GDF1: variants seen among roughly 807,000 people sequenced by gnomAD.
GDF1 encodes embryonic growth/differentiation factor 1.
Under a neutral mutation model 7.4 loss-of-function variants are expected in GDF1, and 8 were observed. That is an observed-to-expected ratio of 1.09 (90% CI 0.64 to 1.96). The LOEUF (loss-of-function observed/expected upper bound fraction) is 1.96. Among genes scored for constraint, GDF1 ranks in the 30% most tolerant of loss-of-function variants. GDF1 has a pLI of 0.00. For synonymous variants in GDF1, 311 were observed against 276.7 expected, an observed-to-expected ratio of 1.12 and a Z score of -1.23; for missense variants, 574 against 551.5, an observed-to-expected ratio of 1.04 and a Z score of -0.41.
intron 6 of GDF1, among the ~76,000 whole-genome samples, chr19:18,877,609 C>T (rs2056082162): frequency 6.6e-6 from 1 of 151,952 alleles, no homozygotes. Flanking sequence ...AAAGTTAGCA[C>T]AGCATGGTGG....
chr19:18,873,553 C>A (rs188319330), intron 6 of GDF1, among the ~76,000 whole-genome samples: 5 of 151,824 alleles, frequency 3.3e-5, no homozygotes, highest in Admixed American at 6.6e-5. Context: ...AAAAATTAGC[C>A]GGGGCCAAGC....
chr19:18,869,343 G>A lies in GDF1; in HGVS notation c.373C>T (p.Pro125Ser), dbSNP rs1279373441. Residue 125 changes from proline to serine, a missense_variant, in exon 8 of 8, where the codon CCT becomes TCT. By Grantham distance (74) the Pro-to-Ser change is moderately conservative (BLOSUM62 -1). Coordinates refer to ENST00000247005, the MANE Select transcript of GDF1 (RefSeq NM_001492.6). ...SEPASAAGHC[P>S]EWTVVFDLSA... is the part of the protein sequence containing the mutation. ...AGGTCGAAGACGACTGTCCACTCAGGGCAATGCCCCGCGGCCGAGGCAGGC... is the reference window on the plus strand; with the variant it reads ...AGGTCGAAGACGACTGTCCACTCAGAGCAATGCCCCGCGGCCGAGGCAGGC... 6.5e-7 allele frequency: 1 copy of A among 1,531,930 alleles called. No homozygotes were observed. Among genetic ancestry groups the A allele is most frequent in the South Asian group, 1.2e-5 (1 of 83,960 alleles). The allele number at this position is 1,531,930 out of a possible 1,614,324, so 94.9% of individuals were successfully genotyped here.
At chr19:18,874,950 C>T (rs970640241) in intron 6 of GDF1, among the ~76,000 whole-genome samples, 3 of 152,156 alleles carry the variant, frequency 2.0e-5, no homozygotes, top group Non-Finnish European at 2.9e-5. Context: ...ATTGAATTTT[C>T]GGAACCAGGC....
At chr19:18,892,476 T>TGGTGGCGGGCGC (rs1226938196) in intron 2 of GDF1, among the ~76,000 whole-genome samples, 3 of 151,672 alleles carry the variant, frequency 2.0e-5, no homozygotes, top group Non-Finnish European at 4.4e-5. Context: ...TAGCCGGGCG[T>TGGTGGCGGGCGC]GGTGGCGGGC....
Position 18,868,632 on chromosome 19 carries a change from C to T in GDF1, c.1084G>A (p.Glu362Lys), listed in dbSNP as rs1165681939. 3.2e-6 allele frequency: 5 copies of T among 1,573,510 alleles called. No individual in the cohort carries two copies. The highest frequency in any genetic ancestry group is 4.3e-6 in the Non-Finnish European group (5 of 1,159,794). ...CCGCACTCGTCCACCACCATGTCCT[C>T]ATACTGCCGCAGCACCACGTTGTCG... ...NSDNVVLRQYEDMVVDECGCR is the reference protein window; with the variant it reads ...NSDNVVLRQYKDMVVDECGCR Residue 362 changes from glutamate to lysine, a missense_variant, in exon 8 of 8, where the codon GAG becomes AAG. Physicochemically the swap from Glu to Lys is moderately conservative, Grantham distance 56 (BLOSUM62 1). Transcript: ENST00000247005.
In GDF1 at chr19:18,886,098, GACACCAA is replaced by G. The variant is rs1366217085; in HGVS notation, c.-913-1838_-913-1832del. Among the ~76,000 whole-genome samples, 732 of 151,520 alleles carry G rather than the reference GACACCAA, an allele frequency of 4.8e-3. 15 individuals carry two copies. Among genetic ancestry groups the G allele is most frequent in the African/African-American group, 0.017 (712 of 40,878 alleles). On this transcript the variant is annotated intron_variant, in intron 2 of 7. Transcript: ENST00000247005. The stretch of plus-strand genomic sequence containing the variant: ...TCAGCCACATCCCCAGAGGCTGCCA[GACACCAA>G]ATTCAAGGGCTATGCTCTGGACGGG...
In GDF1 at chr19:18,868,906, C is replaced by G. The variant is rs1369606098; in HGVS notation, c.810G>C (p.Arg270=). 1.7e-5 allele frequency: 24 copies of G among 1,380,214 alleles called. No individual in the cohort carries two copies. Among genetic ancestry groups the G allele is most frequent in the Admixed American group, 2.5e-5 (1 of 39,230 alleles). 85.5% of individuals were successfully genotyped at this position (1,380,214 alleles called of 1,614,324 possible). ...CCTCGCGGAAGCTCACGTACAGCCG[C>G]CGCGCGCGACAAGCGCCCCCGGGGC... is the stretch of plus-strand genomic sequence containing the variant. The part of the protein sequence containing the change: ...GGGPGGACRA[R]RLYVSFREVG... Residue 270 remains arginine (R), a synonymous_variant, in exon 8 of 8, where the codon CGG becomes CGC. Coordinates refer to ENST00000247005, the MANE Select transcript of GDF1 (RefSeq NM_001492.6).
chr19:18,869,126 T>C lies in GDF1; in HGVS notation c.590A>G (p.Glu197Gly). Residue 197 changes from glutamate (E) to glycine (G), a missense_variant, in exon 8 of 8, where the codon GAG becomes GGG. Physicochemically the swap from Glu to Gly is moderately conservative, Grantham distance 98. Coordinates refer to ENST00000247005, the MANE Select transcript of GDF1 (RefSeq NM_001492.6). The stretch of plus-strand genomic sequence containing the variant: ...GCGAGCCCAAGCGGCGCCCAGCAGC[T>C]CCGCGCGCACTGGCGGCCCCAGGGC... Reference protein sequence around the residue: ...VPALGPPVRAELLGAAWARNA... With the variant: ...VPALGPPVRAGLLGAAWARNA... 2 of 1,095,786 alleles carry C rather than the reference T, an allele frequency of 1.8e-6. No individual in the cohort carries two copies. Among genetic ancestry groups the C allele is most frequent in the South Asian group, 3.3e-5 (1 of 30,500 alleles). 67.9% of individuals were successfully genotyped at this position (1,095,786 alleles called of 1,614,324 possible).
At chr19:18,877,747 A>C (rs1601159253) in intron 6 of GDF1, among the ~76,000 whole-genome samples, 1 of 92,560 alleles carries the variant, frequency 1.1e-5, no homozygotes, top group Non-Finnish European at 2.0e-5. Context: ...ACAGAGTGAG[A>C]CCCTGTCTCA....
At position 18,869,113 on chromosome 19, in the gene GDF1, GGCGCCCAGCA is replaced by G; in HGVS notation, c.593_602del (p.Leu198ProfsTer38). On this transcript the variant is annotated frameshift_variant, in exon 8 of 8. Coordinates refer to ENST00000247005, the MANE Select transcript of GDF1 (RefSeq NM_001492.6). LOFTEE classifies it low-confidence loss of function (END_TRUNC). ...GCCATGAGGCGTTGCGAGCCCAAGC[GGCGCCCAGCA>G]GCTCCGCGCGCACTGGCGGCCCCAG... 1 of 1,085,042 alleles carries G rather than the reference GGCGCCCAGCA, an allele frequency of 9.2e-7. No homozygotes were observed. The highest frequency in any genetic ancestry group is 1.1e-6 in the Non-Finnish European group (1 of 893,164). The allele number at this position is 1,085,042 out of a possible 1,614,324, so 67.2% of individuals were successfully genotyped here. A position where few individuals can be genotyped will look rare whatever the true frequency, so the allele number is the denominator to read the frequency against.
chr19:18,870,269 G>A lies in GDF1; in HGVS notation c.39C>T (p.Leu13=), dbSNP rs1307695733. 4 of 1,550,524 alleles carry A rather than the reference G, an allele frequency of 2.6e-6. No individual in the cohort carries two copies. Among genetic ancestry groups the A allele is most frequent in the Admixed American group, 2.0e-5 (1 of 51,054 alleles). Residue 13 remains leucine, a synonymous_variant, in exon 7 of 8, where the codon CTC becomes CTT. Transcript: ENST00000247005. This position sits in a 1 kb window ranked among gnomAD's most constrained non-coding sequence, Gnocchi z 5.1. Reference sequence around the variant, plus strand: ...GCAGCAGCAGGGCCAGGAGGAGGAGGAGGTGGTGGCCGCAGGGACCTTGCT... The same window carrying A: ...GCAGCAGCAGGGCCAGGAGGAGGAGAAGGTGGTGGCCGCAGGGACCTTGCT... ...PPQQGPCGHH[L]LLLLALLLPS... is the part of the protein sequence containing the mutation.
At position 18,884,149 on chromosome 19, in the gene GDF1, C is replaced by T. The variant is rs756017318; in HGVS notation, c.-795G>A. On this transcript the variant is annotated 5_prime_UTR_variant, in exon 3 of 8. Coordinates refer to ENST00000247005, the MANE Select transcript of GDF1 (RefSeq NM_001492.6). ...CCACGTGGTGGAGCAGCATGACCAC[C>T]GAGTCCTTGCGCCAGGTGTCCATGT... is the stretch of plus-strand genomic sequence containing the variant. The T allele has an allele frequency of 1.9e-6, 3 of 1,613,706 alleles. No individual in the cohort carries two copies. Among genetic ancestry groups the T allele is most frequent in the East Asian group, 4.5e-5 (2 of 44,868 alleles).
rs1038534561 is a variant in GDF1, at chr19:18,878,233, G to C, written c.-313+697C>G. ...CAAACACTCCTCACGTTGCCTATGA[G>C]ACACTGCACACCCGACTCTGCTTGT... On this transcript the variant is annotated intron_variant, in intron 6 of 7. Transcript: ENST00000247005. This position sits in a 1 kb window ranked among gnomAD's most constrained non-coding sequence, Gnocchi z 4.6. 8.1e-6 allele frequency: 8 copies of C among 985,466 alleles called. No homozygotes were observed. The highest frequency in any genetic ancestry group is 1.7e-5 in the African/African-American group (1 of 57,146). 61.0% of individuals were successfully genotyped at this position (985,466 alleles called of 1,614,324 possible).
intron 2 of GDF1, among the ~76,000 whole-genome samples, chr19:18,889,067 T>A (rs1166573212): frequency 1.3e-5 from 2 of 151,708 alleles, no homozygotes; most frequent in Non-Finnish European, 2.9e-5. Flanking sequence ...AATTTTTGTA[T>A]TTTTAGTAGA....
At chr19:18,882,940 C>T (rs1023211565) in intron 3 of GDF1, 3 of 152,168 alleles carry the variant, frequency 2.0e-5, no homozygotes, top group Non-Finnish European at 4.4e-5. Flanking sequence ...ATCCGCTCGC[C>T]TCGGCCTCGC....
intron 2 of GDF1, among the ~76,000 whole-genome samples, chr19:18,888,530 A>AC (rs1270214977): frequency 6.9e-6 from 1 of 144,338 alleles, no homozygotes; most frequent in African/African-American, 2.6e-5. Context: ...AAAAAAAAAA[A>AC]AAAAAAAAAA....
In GDF1 at chr19:18,878,992, C is replaced by T; in HGVS notation, c.-375G>A. 6.2e-7 allele frequency: 1 copy of T among 1,613,818 alleles called. No homozygotes were observed. The highest frequency in any genetic ancestry group is 1.1e-5 in the South Asian group (1 of 91,084). On this transcript the variant is annotated 5_prime_UTR_variant, in exon 6 of 8. Coordinates refer to ENST00000247005, the MANE Select transcript of GDF1 (RefSeq NM_001492.6). This position sits in a 1 kb window ranked among gnomAD's most constrained non-coding sequence, Gnocchi z 4.6. Reference sequence around the variant, plus strand: ...TGTCATACTCCCGCAGGTCCTTCAGCTCGTGCACCTGGCCTGTCAACACCT... The same window carrying T: ...TGTCATACTCCCGCAGGTCCTTCAGTTCGTGCACCTGGCCTGTCAACACCT...
chr19:18,878,735 C>T lies in GDF1; in HGVS notation c.-313+195G>A. On this transcript the variant is annotated intron_variant, in intron 6 of 7. Transcript: ENST00000247005. The surrounding 1 kb of genome is among the most constrained non-coding windows in gnomAD (Gnocchi z 4.6). ...CCCTCCCCAGCCTCTCCCTCCCCTT[C>T]CTCACTGTCCTGTCCTTCAGGGTAC... 7.2e-7 allele frequency: 1 copy of T among 1,394,610 alleles called. No individual in the cohort carries two copies. The highest frequency in any genetic ancestry group is 9.3e-7 in the Non-Finnish European group (1 of 1,073,236). The allele number at this position is 1,394,610 out of a possible 1,614,324, so 86.4% of individuals were successfully genotyped here.
rs1194520461 is a variant in GDF1 at position 18,870,962 on chromosome 19, G to A, written c.-312-343C>T. On this transcript the variant is annotated intron_variant, in intron 6 of 7. Transcript: ENST00000247005. The surrounding 1 kb of genome is among the most constrained non-coding windows in gnomAD (Gnocchi z 5.1). ...CCGGCCTGGGCCTGACAACTCCACC[G>A]CCTCCACAGTGGGACCCTGCACATC... Among the ~76,000 whole-genome samples, 2 of 152,082 alleles carry A rather than the reference G, an allele frequency of 1.3e-5. No homozygotes were observed. Among genetic ancestry groups the A allele is most frequent in the Non-Finnish European group, 2.9e-5 (2 of 68,024 alleles).
Sources: allele counts gnomAD v4.1 joint callset (sites outside exome capture counted in the v4.1 genomes callset), GRCh38; gene constraint gnomAD v4.1.1; non-coding constraint Gnocchi (gnomAD v3.1); transcripts MANE v1.5; gene names NCBI Gene and HGNC (gene_info 2026-07-23, HGNC 2026-07-21).